ADAMTS2: variants seen among roughly 807,000 people sequenced by gnomAD.
The protein encoded by ADAMTS2 is A disintegrin and metalloproteinase with thrombospondin motifs 2.
In ADAMTS2, 50 loss-of-function variants were observed where a neutral mutation model predicts 123.0. The observed-to-expected ratio is 0.41, with a 90% CI of 0.32 to 0.51. The LOEUF is 0.51. ADAMTS2 is among the 20% of genes least tolerant of loss of function. The probability of loss-of-function intolerance (pLI) is 0.35; values close to 1 mark genes in which losing one functional copy is unlikely to be tolerated. For missense variants in ADAMTS2, 1,494 were observed against 1,705.2 expected (o/e 0.88, Z 2.18); for synonymous variants, 678 against 695.4 (o/e 0.98, Z 0.39).
Position 179,262,005 on chromosome 5 carries a change from G to A in ADAMTS2, c.688+10906C>T, listed in dbSNP as rs1448009956. 6.6e-6 allele frequency among the ~76,000 whole-genome samples: 1 copy of A among 152,224 alleles called. No homozygotes were observed. The highest frequency in any genetic ancestry group is 1.5e-5 in the Non-Finnish European group (1 of 68,030). ...GGCTGCCTGTGGGGCTGCATTGGGG[G>A]CTCCTGCCCCCGCCCCGTGAGTCTG... On this transcript the variant is annotated intron_variant, in intron 3 of 21. Transcript: ENST00000251582. This position sits in a 1 kb window ranked among gnomAD's most constrained non-coding sequence, Gnocchi z 5.9.
At chr5:179,133,264 G>A (rs898557470) in intron 13 of ADAMTS2, among the ~76,000 whole-genome samples, 1 of 152,032 alleles carries the variant, frequency 6.6e-6, no homozygotes, top group Admixed American at 6.5e-5. Context: ...AGGAGATGCT[G>A]TTTATTTTTA....
intron 3 of ADAMTS2, among the ~76,000 whole-genome samples, chr5:179,226,545 G>A: frequency 6.6e-6 from 1 of 151,768 alleles, no homozygotes; most frequent in Non-Finnish European, 1.5e-5. Flanking sequence ...CCACAGTGTT[G>A]GTATTACGGG....
rs571054777 is a variant in ADAMTS2, at chr5:179,122,720, G to A, written c.3012C>T (p.Thr1004=). 150 of 1,552,566 alleles carry A rather than the reference G, an allele frequency of 9.7e-5. No homozygotes were observed. In the Admixed American group the frequency reaches 1.1e-3, roughly 12 times the overall value. ...GTQERPVLCR[T]ADDSFGICQE... Reference sequence around the variant, plus strand: ...GGCAGATGCCGAAGCTGTCGTCCGCGGTGCGGCAGAGCACTGGCCGCTCCT... The same window carrying A: ...GGCAGATGCCGAAGCTGTCGTCCGCAGTGCGGCAGAGCACTGGCCGCTCCT... The change falls in exon 20 of 22, where the codon ACC becomes ACT. Residue 1004 remains threonine, a synonymous_variant. Transcript: ENST00000251582.
intron 3 of ADAMTS2, among the ~76,000 whole-genome samples, chr5:179,258,674 G>A (rs939411131): frequency 1.3e-5 from 2 of 152,142 alleles, no homozygotes; most frequent in Non-Finnish European, 2.9e-5. Context: ...CTTGAGAAAA[G>A]GGCCAGACAC....
chr5:179,185,065 C>T lies in ADAMTS2; in HGVS notation c.892-3910G>A, dbSNP rs564488001. Among the ~76,000 whole-genome samples, 5 of 152,202 alleles carry T rather than the reference C, an allele frequency of 3.3e-5. No homozygotes were observed. In the South Asian group the frequency reaches 8.3e-4, roughly 25 times the overall value. ...GCAAACCTCCCAGGGTTGGAAGCAG[C>T]GAGGCACCTTCCAAGCACAGAGGGG... On this transcript the variant is annotated intron_variant, in intron 4 of 21. Transcript: ENST00000251582. This position sits in a 1 kb window ranked among gnomAD's most constrained non-coding sequence, Gnocchi z 5.9.
chr5:179,207,485 A>G (rs755839858), intron 4 of ADAMTS2, 28 bp downstream of exon 4: 2 of 591,376 alleles, frequency 3.4e-6, no homozygotes, highest in Non-Finnish European at 5.3e-6. Context: ...TCCCCGCCCC[A>G]CCCTGCCCCC....
chr5:179,305,078 C>T (rs1490563838), intron 2 of ADAMTS2, among the ~76,000 whole-genome samples: 1 of 148,644 alleles, frequency 6.7e-6, no homozygotes, highest in Non-Finnish European at 1.5e-5. Context: ...AAAGAACTGT[C>T]AACCCAGAAT....
chr5:179,335,396 C>T (rs971871113), intron 2 of ADAMTS2, among the ~76,000 whole-genome samples: 4 of 152,156 alleles, frequency 2.6e-5, no homozygotes, highest in Non-Finnish European at 4.4e-5. Context: ...CAGGGTACCT[C>T]TCAATTCAGA....
chr5:179,123,726 G>GC (rs1227995560), intron 19 of ADAMTS2, among the ~76,000 whole-genome samples: 1 of 152,276 alleles, frequency 6.6e-6, no homozygotes, highest in Non-Finnish European at 1.5e-5. Flanking sequence ...ACTGTGCCCG[G>GC]CCAACGCCTG....
chr5:179,277,817 C>T (rs185719006), intron 2 of ADAMTS2, among the ~76,000 whole-genome samples: 2 of 21,248 alleles, frequency 9.4e-5, no homozygotes, highest in African/African-American at 1.3e-4. Context: ...GCTGACCCCC[C>T]CCGAGACCAA....
intron 2 of ADAMTS2, among the ~76,000 whole-genome samples, chr5:179,297,715 A>G (rs1026804539): frequency 7.2e-5 from 11 of 151,940 alleles, no homozygotes; most frequent in African/African-American, 1.7e-4. Context: ...ATCCCAGAGG[A>G]CGGAGAGCTC....
chr5:179,269,099 AG>A (rs939362251), intron 3 of ADAMTS2, among the ~76,000 whole-genome samples: 1 of 152,122 alleles, frequency 6.6e-6, no homozygotes, highest in African/African-American at 2.4e-5. Context: ...TCAGAAGAGG[AG>A]GGGGCGACAT....
intron 10 of ADAMTS2, among the ~76,000 whole-genome samples, chr5:179,143,742 T>TTG (rs61636040): frequency 0.24 from 36,633 of 151,634 alleles, 4,473 homozygotes; most frequent in Non-Finnish European, 0.26. Flanking sequence ...CGGAATAGAT[T>TTG]TGTGTGTGTG....
At position 179,159,040 on chromosome 5, in the gene ADAMTS2, C is replaced by A. The variant is rs112433508; in HGVS notation, c.976-161G>T. On this transcript the variant is annotated intron_variant, in intron 5 of 21. Coordinates refer to ENST00000251582, the MANE Select transcript of ADAMTS2 (RefSeq NM_014244.5). ...ACTCTCAGGACCTGCTCCCACTGGGCTCCAGTCTTTGACAGGGAAGAAAAG... is the reference window on the plus strand; with the variant it reads ...ACTCTCAGGACCTGCTCCCACTGGGATCCAGTCTTTGACAGGGAAGAAAAG... Among the ~76,000 whole-genome samples the A allele has an allele frequency of 0.069, 10,436 of 152,322 alleles. 475 individuals carry two copies. Among genetic ancestry groups the A allele is most frequent in the South Asian group, 0.13 (631 of 4,826 alleles).
At chr5:179,125,441 GCTGGTGGCT>G (rs1449088497) in intron 18 of ADAMTS2, among the ~76,000 whole-genome samples, 1 of 152,158 alleles carries the variant, frequency 6.6e-6, no homozygotes, top group African/African-American at 2.4e-5. Context: ...CCCTGGTGGA[GCTGGTGGCT>G]CTGGAGGTCC....
chr5:179,161,404 T>C (rs1763589491), intron 5 of ADAMTS2, among the ~76,000 whole-genome samples: 1 of 152,224 alleles, frequency 6.6e-6, no homozygotes, highest in Non-Finnish European at 1.5e-5. Context: ...CAGATATGGA[T>C]GAGCCTGGGG....
rs953408132 is a variant in ADAMTS2 at position 179,185,481 on chromosome 5, GA to G, written c.892-4327del. Among the ~76,000 whole-genome samples, 1 of 152,106 alleles carries G rather than the reference GA, an allele frequency of 6.6e-6. No homozygotes were observed. The highest frequency in any genetic ancestry group is 2.4e-5 in the African/African-American group (1 of 41,434). ...CTCCTGGCCAGGCCCTGCCCCTCAG[GA>G]CGCAAGATCTTCCCACTCTCCTAGC... On this transcript the variant is annotated intron_variant, in intron 4 of 21. Coordinates refer to ENST00000251582, the MANE Select transcript of ADAMTS2 (RefSeq NM_014244.5). This position sits in a 1 kb window ranked among gnomAD's most constrained non-coding sequence, Gnocchi z 5.9.
intron 3 of ADAMTS2, among the ~76,000 whole-genome samples, chr5:179,265,520 C>T (rs1305740092): frequency 4.6e-5 from 7 of 152,208 alleles, no homozygotes; most frequent in African/African-American, 1.7e-4. Flanking sequence ...GCAAGCCTCG[C>T]TTCTGCCTTC....
At chr5:179,274,023 C>G (rs1335853174) in intron 2 of ADAMTS2, among the ~76,000 whole-genome samples, 6 of 150,704 alleles carry the variant, frequency 4.0e-5, no homozygotes, top group Non-Finnish European at 8.9e-5. Flanking sequence ...ATCCCCAGCT[C>G]GGCCATCTGG....
Sources: gnomAD v4.1 joint callset for allele counts (sites outside exome capture counted in the v4.1 genomes callset) on GRCh38, gnomAD v4.1.1 for gene constraint, Gnocchi (gnomAD v3.1) non-coding constraint, MANE v1.5 for transcripts, NCBI Gene and HGNC (gene_info 2026-07-23, HGNC 2026-07-21) for gene names.